MSR1: variants seen among roughly 807,000 people sequenced by gnomAD.
MSR1 encodes the protein macrophage scavenger receptor 1, also known as macrophage scavenger receptor types I and II.
In MSR1, 53 loss-of-function variants were observed where a neutral mutation model predicts 47.2. That is an observed-to-expected ratio of 1.12 (90% CI 0.90 to 1.41). The LOEUF (loss-of-function observed/expected upper bound fraction) is 1.41. MSR1 is among the 40% of genes most tolerant of loss of function. MSR1 has a pLI of 0.00. For missense variants in MSR1, 786 were observed against 546.9 expected (o/e 1.44, Z -4.36); for synonymous variants, 239 against 185.6 (o/e 1.29, Z -2.34).
At chr8:16,135,667 G>A (rs184701757) in intron 8 of MSR1, among the ~76,000 whole-genome samples, 31 of 152,284 alleles carry the variant, frequency 2.0e-4, no homozygotes, top group African/African-American at 6.7e-4. Flanking sequence ...CTGACACAGA[G>A]AGTGATTCCT....
chr8:16,190,377 T>A (rs1260493020), intron 1 of MSR1, among the ~76,000 whole-genome samples: 3 of 152,288 alleles, frequency 2.0e-5, no homozygotes, highest in Non-Finnish European at 4.4e-5. Flanking sequence ...ATATGGCAGT[T>A]TCAAGCAAAA....
chr8:16,188,197 C>A (rs909066279), intron 1 of MSR1, among the ~76,000 whole-genome samples: 3 of 152,088 alleles, frequency 2.0e-5, no homozygotes, highest in Non-Finnish European at 4.4e-5. Flanking sequence ...GAAAAGTTTA[C>A]AGGAAATTCA....
intron 1 of MSR1, among the ~76,000 whole-genome samples, chr8:16,180,970 C>G (rs1245694502): frequency 6.6e-6 from 1 of 151,846 alleles, no homozygotes; most frequent in Non-Finnish European, 1.5e-5. Flanking sequence ...AGAGGCAAAG[C>G]AAAATAAATA....
chr8:16,158,803 T>C (rs982420954), intron 5 of MSR1, among the ~76,000 whole-genome samples: 1 of 151,958 alleles, frequency 6.6e-6, no homozygotes, highest in African/African-American at 2.4e-5. Context: ...TTCCTGATCC[T>C]ATGCTACCAT....
intron 8 of MSR1, among the ~76,000 whole-genome samples, chr8:16,138,657 G>C (rs1056686531): frequency 3.3e-5 from 5 of 152,130 alleles, no homozygotes; most frequent in African/African-American, 1.2e-4. Context: ...ACCAAGGTCT[G>C]CTGAAGAAAG....
chr8:16,127,444 G>A (rs1221494713), intron 8 of MSR1, among the ~76,000 whole-genome samples: 2 of 152,114 alleles, frequency 1.3e-5, no homozygotes, highest in Non-Finnish European at 2.9e-5. Flanking sequence ...TAGTGCCCTG[G>A]ACCCTGCATT....
At chr8:16,134,798 T>C (rs1369139439) in intron 8 of MSR1, among the ~76,000 whole-genome samples, 1 of 152,140 alleles carries the variant, frequency 6.6e-6, no homozygotes, top group Non-Finnish European at 1.5e-5. Context: ...GCCACTCCAG[T>C]GAACACAAAA....
intron 5 of MSR1, among the ~76,000 whole-genome samples, chr8:16,159,937 G>C (rs530690360): frequency 2.0e-5 from 3 of 152,068 alleles, no homozygotes; most frequent in South Asian, 2.1e-4. Context: ...TAAAGGAAAA[G>C]ACATGAGGCA....
At chr8:16,186,291 T>G in intron 1 of MSR1, 1 of 1,210,954 alleles carries the variant, frequency 8.3e-7, no homozygotes, top group Non-Finnish European at 1.2e-6. Context: ...GTCCAGTTTC[T>G]GTTCTGTTTT....
In MSR1 at chr8:16,110,219, C is replaced by T. The variant is rs779064914; in HGVS notation, c.1223-1G>A. On this transcript the variant is annotated splice_acceptor_variant, in intron 9 of 9. Transcript: ENST00000262101. LOFTEE classifies it high-confidence loss of function. ...TCATTCAGCCATATTGGACCAGTAC[C>T]TGCAATAATGAGGTATAACTGCATT... 1.2e-6 allele frequency: 2 copies of T among 1,613,194 alleles called. No homozygotes were observed. Among genetic ancestry groups the T allele is most frequent in the Admixed American group, 1.7e-5 (1 of 59,968 alleles).
At chr8:16,139,695 T>G (rs1472686949) in intron 8 of MSR1, 1 of 971,384 alleles carries the variant, frequency 1.0e-6, no homozygotes, top group Non-Finnish European at 1.2e-6. Flanking sequence ...AGTTTTATTT[T>G]TGGTTTAAAT....
At chr8:16,161,577 C>T (rs763284996) in intron 5 of MSR1, among the ~76,000 whole-genome samples, 5 of 152,010 alleles carry the variant, frequency 3.3e-5, no homozygotes, top group East Asian at 1.9e-4. Flanking sequence ...TCCAAGAAAT[C>T]GGTATCTACC....
At chr8:16,142,613 G>A (rs1800590044) in intron 8 of MSR1, among the ~76,000 whole-genome samples, 1 of 152,082 alleles carries the variant, frequency 6.6e-6, no homozygotes, top group Admixed American at 6.5e-5. Flanking sequence ...CACAATATTA[G>A]GTTAAAATAA....
chr8:16,127,306 G>A (rs1189219747), intron 8 of MSR1, among the ~76,000 whole-genome samples: 1 of 152,068 alleles, frequency 6.6e-6, no homozygotes, highest in Non-Finnish European at 1.5e-5. Flanking sequence ...GAATACATAT[G>A]ACCACTTAGA....
chr8:16,155,732 G>C (rs1265133348), intron 5 of MSR1, among the ~76,000 whole-genome samples: 1 of 151,902 alleles, frequency 6.6e-6, no homozygotes, highest in African/African-American at 2.4e-5. Context: ...AAGAATGAAG[G>C]GAAGGGGAAG....
chr8:16,166,337 T>TG (rs879689682), intron 4 of MSR1, among the ~76,000 whole-genome samples: 1 of 150,790 alleles, frequency 6.6e-6, no homozygotes, highest in African/African-American at 2.4e-5. Flanking sequence ...TTTTTTTTTT[T>TG]AATTTTGTAG....
At chr8:16,163,977 C>A (rs1801231524) in intron 5 of MSR1, 88 bp downstream of exon 5, 1 of 1,055,604 alleles carries the variant, frequency 9.5e-7, no homozygotes, top group African/African-American at 1.6e-5. Context: ...TTATTTCAAA[C>A]CATAGGATTT....
intron 9 of MSR1, among the ~76,000 whole-genome samples, chr8:16,116,584 T>C (rs1348832204): frequency 6.6e-6 from 1 of 152,154 alleles, no homozygotes; most frequent in Admixed American, 6.5e-5. Flanking sequence ...TTCTATTCCT[T>C]ATTTAAGTTT....
chr8:16,143,676 A>G lies in MSR1; in HGVS notation c.980-65T>C, dbSNP rs1044709001. ...AATTCACAATGTTTGCTTTAACTGGAGACAGATCATCACAAGGTAATTAAA... is the reference window on the plus strand; with the variant it reads ...AATTCACAATGTTTGCTTTAACTGGGGACAGATCATCACAAGGTAATTAAA... On this transcript the variant is annotated intron_variant, in intron 7 of 9. Transcript: ENST00000262101. The G allele has an allele frequency of 2.3e-5, 27 of 1,180,930 alleles. No homozygotes were observed. The South Asian group carries it at 3.3e-4, about 14-fold the overall frequency. 73.2% of individuals were successfully genotyped at this position (1,180,930 alleles called of 1,614,324 possible).
Sources: gnomAD v4.1 joint callset for allele counts (sites outside exome capture counted in the v4.1 genomes callset) on GRCh38, gnomAD v4.1.1 for gene constraint, MANE v1.5 for transcripts, NCBI Gene and HGNC (gene_info 2026-07-23, HGNC 2026-07-21) for gene names.